The following STIM1 variants were observed in gnomAD, a reference collection of about 807,000 sequenced individuals.
The protein encoded by STIM1 is stromal interaction molecule 1.
Under a neutral mutation model 74.7 loss-of-function variants are expected in STIM1, and 25 were observed. That is an observed-to-expected ratio of 0.33 (90% CI 0.24 to 0.47). The LOEUF is 0.47. Ranked by LOEUF, STIM1 falls within the 20% of genes least tolerant of loss-of-function variation. The pLI, the probability that STIM1 is intolerant of heterozygous loss-of-function variation, is 1.00. For synonymous variants in STIM1, 328 were observed against 348.8 expected, an observed-to-expected ratio of 0.94 and a Z score of 0.66; for missense variants, 728 against 920.8, an observed-to-expected ratio of 0.79 and a Z score of 2.71.
chr11:3,975,102 C>T (rs979399602), intron 2 of STIM1, among the ~76,000 whole-genome samples: 6 of 152,180 alleles, frequency 3.9e-5, no homozygotes, highest in African/African-American at 1.4e-4. Flanking sequence ...AGCTTGCGTT[C>T]TAGTGATCTG....
chr11:3,992,847 A>G (rs72851738), intron 2 of STIM1, among the ~76,000 whole-genome samples: 15,560 of 152,284 alleles, frequency 0.1, 1,048 homozygotes, highest in Non-Finnish European at 0.15. Flanking sequence ...AGGCAAGTCC[A>G]TTGTTTCAAT....
At chr11:3,881,715 G>A (rs1029315657) in intron 1 of STIM1, among the ~76,000 whole-genome samples, 8 of 137,340 alleles carry the variant, frequency 5.8e-5, no homozygotes, top group Non-Finnish European at 1.1e-4. Context: ...ATGGAATCTC[G>A]CTCTGTAGCC....
Position 3,972,173 on chromosome 11 carries a change from T to C in STIM1, c.270+4491T>C, listed in dbSNP as rs375183550. Among the ~76,000 whole-genome samples, 18 of 152,284 alleles carry C rather than the reference T, an allele frequency of 1.2e-4. No individual in the cohort carries two copies. In the East Asian group the frequency reaches 2.5e-3, roughly 21 times the overall value. ...GAGCCTTAGTAGAAGTCTGAAGGGGTGCTCTATTGAGGCCTCATGTATTCA... is the reference window on the plus strand; with the variant it reads ...GAGCCTTAGTAGAAGTCTGAAGGGGCGCTCTATTGAGGCCTCATGTATTCA... On this transcript the variant is annotated intron_variant, in intron 2 of 12. Coordinates refer to ENST00000526596, the MANE Select transcript of STIM1 (RefSeq NM_001382567.1).
intron 7 of STIM1, among the ~76,000 whole-genome samples, chr11:4,080,546 A>G (rs1283726991): frequency 6.9e-6 from 1 of 145,460 alleles, no homozygotes; most frequent in Admixed American, 7.3e-5. Context: ...GGCTCACTGC[A>G]GTCTTGACCT....
rs534246488 is a variant in STIM1 at position 4,077,350 on chromosome 11, C to T, written c.969+2671C>T. On this transcript the variant is annotated intron_variant, in intron 7 of 12. Transcript: ENST00000526596. ...TGGATGAATTCAATTTAATATATAA[C>T]AGCCCTTAATTTGGATACATCTAAT... Among the ~76,000 whole-genome samples the T allele has an allele frequency of 2.0e-5, 3 of 151,944 alleles. No homozygotes were observed. The East Asian group carries it at 5.8e-4, about 29-fold the overall frequency.
At position 4,091,438 on chromosome 11, in the gene STIM1, G is replaced by T; in HGVS notation, c.1791G>T (p.Gly597=). 1.2e-6 allele frequency: 2 copies of T among 1,614,190 alleles called. No homozygotes were observed. Among genetic ancestry groups the T allele is most frequent in the South Asian group, 1.1e-5 (1 of 91,088 alleles). Residue 597 remains glycine (G), a synonymous_variant, in exon 13 of 13, where the codon GGG becomes GGT. Coordinates refer to ENST00000526596, the MANE Select transcript of STIM1 (RefSeq NM_001382567.1). ...GGCTGATCGAGGGGGTCCACCCAGGGTCTCTGGTGGAGAAACTGCCTGACA... is the reference window on the plus strand; with the variant it reads ...GGCTGATCGAGGGGGTCCACCCAGGTTCTCTGGTGGAGAAACTGCCTGACA... ...SHRLIEGVHP[G]SLVEKLPDSP...
intron 1 of STIM1, among the ~76,000 whole-genome samples, chr11:3,915,564 A>AT (rs2092631488): frequency 6.6e-6 from 1 of 151,590 alleles, no homozygotes; most frequent in African/African-American, 2.4e-5. Context: ...CGCCTGGCTA[A>AT]TTTTTTGTAT....
At chr11:3,997,458 C>G (rs1055657871) in intron 2 of STIM1, among the ~76,000 whole-genome samples, 4 of 151,932 alleles carry the variant, frequency 2.6e-5, no homozygotes, top group Non-Finnish European at 4.4e-5. Context: ...AGTTCAAGAC[C>G]AGCCTTAGCA....
rs528951639 is a variant in STIM1 at position 3,908,348 on chromosome 11, C to T, written c.139+51939C>T. Among the ~76,000 whole-genome samples the T allele has an allele frequency of 3.0e-4, 45 of 152,318 alleles. No homozygotes were observed. In the East Asian group the frequency reaches 3.1e-3, roughly 10 times the overall value. The stretch of plus-strand genomic sequence containing the variant: ...TATTTGCTGGCCAGGCACGGCGGCT[C>T]ACGCCTGTAATCCCAGCACTTTGGG... On this transcript the variant is annotated intron_variant, in intron 1 of 12. Transcript: ENST00000526596.
chr11:3,926,810 C>G (rs1383494647), intron 1 of STIM1, among the ~76,000 whole-genome samples: 1 of 152,172 alleles, frequency 6.6e-6, no homozygotes, highest in Non-Finnish European at 1.5e-5. Flanking sequence ...AGGTAACCCA[C>G]CAGAACCACT....
At chr11:4,026,422 G>T (rs1485522991) in intron 3 of STIM1, among the ~76,000 whole-genome samples, 2 of 152,160 alleles carry the variant, frequency 1.3e-5, no homozygotes, top group Non-Finnish European at 2.9e-5. Context: ...GTTTCTAAGT[G>T]TTTTACATAT....
At chr11:3,941,159 A>G (rs2093000053) in intron 1 of STIM1, among the ~76,000 whole-genome samples, 1 of 152,206 alleles carries the variant, frequency 6.6e-6, no homozygotes, top group Non-Finnish European at 1.5e-5. Context: ...TTTAAATGAA[A>G]CAAAACTTTT....
chr11:4,002,610 C>T (rs2093730230), intron 2 of STIM1, among the ~76,000 whole-genome samples: 1 of 148,752 alleles, frequency 6.7e-6, no homozygotes, highest in Admixed American at 6.7e-5. Flanking sequence ...AAATTTATAG[C>T]ACTAAATGCC....
chr11:3,870,827 G>T (rs930871537), intron 1 of STIM1, among the ~76,000 whole-genome samples: 3 of 150,564 alleles, frequency 2.0e-5, no homozygotes, highest in Admixed American at 2.0e-4. Flanking sequence ...GGGATATGGA[G>T]TGGCTGACAG....
chr11:4,062,597 G>A (rs146749007), intron 5 of STIM1, among the ~76,000 whole-genome samples: 113 of 152,312 alleles, frequency 7.4e-4, no homozygotes, highest in African/African-American at 2.7e-3. Context: ...ACTCCAGCCT[G>A]GGTGACAGGG....
chr11:3,948,823 A>G (rs2093110390), intron 1 of STIM1, among the ~76,000 whole-genome samples: 1 of 152,116 alleles, frequency 6.6e-6, no homozygotes, highest in African/African-American at 2.4e-5. Context: ...CCAACCTTAG[A>G]TCCCTTAATT....
chr11:3,942,537 TGTGGGCCTAGA>T (rs1177888133), intron 1 of STIM1, among the ~76,000 whole-genome samples: 1 of 152,196 alleles, frequency 6.6e-6, no homozygotes, highest in Admixed American at 6.5e-5. Flanking sequence ...CTGCCTGTGC[TGTGGGCCTAGA>T]GTGGGCCTAG....
In STIM1 at chr11:4,059,395, C is replaced by T. The variant is rs2094314742; in HGVS notation, c.612C>T (p.Leu204=). The T allele has an allele frequency of 6.2e-7, 1 of 1,613,572 alleles. No individual in the cohort carries two copies. Among genetic ancestry groups the T allele is most frequent in the Admixed American group, 1.7e-5 (1 of 60,002 alleles). The change falls in exon 5 of 13, where the codon CTC becomes CTT. Residue 204 remains leucine (L), a splice_region_variant and synonymous_variant. Coordinates refer to ENST00000526596, the MANE Select transcript of STIM1 (RefSeq NM_001382567.1). ...ALDTVLFGPP[L]LTRHNHLKDF... is the part of the protein sequence containing the mutation. ...ATACAGTGCTCTTTGGGCCTCCTCTCTGTGAGTCTTGTGTTGAGAAGGGCT... is the reference window on the plus strand; with the variant it reads ...ATACAGTGCTCTTTGGGCCTCCTCTTTGTGAGTCTTGTGTTGAGAAGGGCT...
At chr11:4,086,424 G>A in intron 11 of STIM1, 53 bp from the exon 12 acceptor site, 1 of 1,602,322 alleles carries the variant, frequency 6.2e-7, no homozygotes, top group Non-Finnish European at 8.5e-7. Context: ...CTCCTTACCT[G>A]CCAGCCCAAA....
Sources: allele counts gnomAD v4.1 joint callset (sites outside exome capture counted in the v4.1 genomes callset), GRCh38; gene constraint gnomAD v4.1.1; transcripts MANE v1.5; gene names NCBI Gene and HGNC (gene_info 2026-07-23, HGNC 2026-07-21).